OTOF: variants seen among roughly 807,000 people sequenced by gnomAD.
The protein encoded by OTOF is fer-1-like family member 2.
OTOF carries 218 observed loss-of-function variants against 236.8 expected under a neutral mutation model. That is an observed-to-expected ratio of 0.92 (90% confidence interval 0.82 to 1.03). The LOEUF is 1.03. Ranked by LOEUF, OTOF falls within the 50% of genes least tolerant of loss-of-function variation. The pLI is 0.00. For missense variants in OTOF, 2,590 were observed against 2,694.4 expected (o/e 0.96, Z 0.86); for synonymous variants, 1,041 against 1,072.5 (o/e 0.97, Z 0.57).
At chr2:26,549,368 T>C (rs1667406037) in intron 1 of OTOF, among the ~76,000 whole-genome samples, 1 of 152,224 alleles carries the variant, frequency 6.6e-6, no homozygotes, top group Non-Finnish European at 1.5e-5. Flanking sequence ...GTTGATGGCA[T>C]GGTAGAAGAA....
chr2:26,528,798 A>C (rs1196715441), intron 2 of OTOF, among the ~76,000 whole-genome samples: 1 of 152,190 alleles, frequency 6.6e-6, no homozygotes, highest in Non-Finnish European at 1.5e-5. Flanking sequence ...TGGGCAAGGG[A>C]AAGGTGGGAA....
chr2:26,478,167 G>C, intron 18 of OTOF: 1 of 600,852 alleles, frequency 1.7e-6, no homozygotes, highest in Non-Finnish European at 2.4e-6. Context: ...TGGGGGAAGA[G>C]GGAGTGGCTC....
intron 9 of OTOF, among the ~76,000 whole-genome samples, chr2:26,494,307 T>G (rs1230575150): frequency 2.0e-5 from 3 of 152,226 alleles, no homozygotes; most frequent in Non-Finnish European, 2.9e-5. Flanking sequence ...TGTTTTCTCT[T>G]TCACACCCTA....
intron 1 of OTOF, among the ~76,000 whole-genome samples, chr2:26,544,214 A>G (rs1667276309): frequency 6.6e-6 from 1 of 152,234 alleles, no homozygotes; most frequent in African/African-American, 2.4e-5. Context: ...GGTGAAACTT[A>G]CATTCATGGA....
At chr2:26,475,588 C>G (rs1665218273) in intron 24 of OTOF, 95 bp from the exon 25 acceptor site, 5 of 1,383,036 alleles carry the variant, frequency 3.6e-6, no homozygotes, top group Non-Finnish European at 5.1e-6. Context: ...TTCCACGGAA[C>G]CTGGGGGCAG....
rs483353049 is a variant in OTOF, at chr2:26,494,941, C to A, written c.897+1G>T. ...GCTCCTTTCCCCACAGGGCCACTGACCTCGTTGTAATAGGGGCAGTTAGTG... is the reference window on the plus strand; with the variant it reads ...GCTCCTTTCCCCACAGGGCCACTGAACTCGTTGTAATAGGGGCAGTTAGTG... On this transcript the variant is annotated splice_donor_variant, in intron 9 of 46. Transcript: ENST00000272371. LOFTEE classifies it high-confidence loss of function. 2 of 1,614,176 alleles carry A rather than the reference C, an allele frequency of 1.2e-6. No homozygotes were observed. The highest frequency in any genetic ancestry group is 8.5e-7 in the Non-Finnish European group (1 of 1,180,024).
chr2:26,502,002 G>C (rs1191591445), intron 7 of OTOF, among the ~76,000 whole-genome samples, 194 bp from the exon 8 acceptor site: 1 of 152,178 alleles, frequency 6.6e-6, no homozygotes, highest in African/African-American at 2.4e-5. Context: ...AAAGGCAGAA[G>C]TAACAGAGAG....
In OTOF at chr2:26,480,889, G is replaced by T. The variant is rs745520384; in HGVS notation, c.1700C>A (p.Ala567Asp). Residue 567 changes from alanine (A) to aspartate (D), a missense_variant, in exon 15 of 47, where the codon GCC becomes GAC. Transcript: ENST00000272371. The part of the protein sequence containing the change: ...EGLGEGVSFR[A>D]RLLLGLAVEI... The stretch of plus-strand genomic sequence containing the variant: ...CACAGCCAGGCCCAGCAGGAGCCGG[G>T]CCCGGAAGGACACACCCTCCCCCAG... The T allele has an allele frequency of 4.3e-6, 7 of 1,612,976 alleles. No individual in the cohort carries two copies. The Admixed American group carries it at 1.2e-4, about 27-fold the overall frequency.
Position 26,461,707 on chromosome 2 carries a change from T to A in OTOF, c.5522A>T (p.Asp1841Val). The change falls in exon 43 of 47, where the codon GAC (aspartate) becomes GTC (valine). Residue 1841 changes from aspartate (D) to valine (V), a missense_variant. Asp to Val is a radical substitution (Grantham distance 152, BLOSUM62 -3). Coordinates refer to ENST00000272371, the MANE Select transcript of OTOF (RefSeq NM_194248.3). This position sits in a 1 kb window ranked among gnomAD's most constrained non-coding sequence, Gnocchi z 6.2. ...GCCCTGCTCTGCACCCAGGAAGTCG[T>A]CAGCGGAGAAGTGGTCCGCATCCCA... ...QIWDADHFSA[D>V]DFLGAIELDL... is the part of the protein sequence containing the mutation. 6.2e-7 allele frequency: 1 copy of A among 1,614,058 alleles called. No individual in the cohort carries two copies. The highest frequency in any genetic ancestry group is 2.2e-5 in the East Asian group (1 of 44,874).
At chr2:26,468,252 C>A (rs1203131205) in intron 33 of OTOF, among the ~76,000 whole-genome samples, 156 bp downstream of exon 33, 1 of 152,184 alleles carries the variant, frequency 6.6e-6, no homozygotes, top group Non-Finnish European at 1.5e-5. Context: ...CTTAGCCTGC[C>A]CAGTACTGCC....
Position 26,463,463 on chromosome 2 carries a change from C to CT in OTOF, c.5192+19dup, listed in dbSNP as rs1237232060. ...TGGGGTGGGCCGGAAGGGAGTAGCG[C>CT]TGGGCCCCAGGCCGCTCACTTCTTG... On this transcript the variant is annotated intron_variant, in intron 41 of 46. Coordinates refer to ENST00000272371, the MANE Select transcript of OTOF (RefSeq NM_194248.3). 1.2e-5 allele frequency: 19 copies of CT among 1,573,230 alleles called. No homozygotes were observed. Among genetic ancestry groups the CT allele is most frequent in the Non-Finnish European group, 1.6e-5 (19 of 1,155,820 alleles).
intron 5 of OTOF, among the ~76,000 whole-genome samples, chr2:26,507,037 C>T (rs968555432): frequency 6.6e-6 from 1 of 152,220 alleles, no homozygotes; most frequent in Non-Finnish European, 1.5e-5. Flanking sequence ...ATCTCTACTA[C>T]ACCTTGAAGC....
At chr2:26,479,198 A>G (rs1322336724) in intron 18 of OTOF, 66 bp downstream of exon 18, 4 of 1,589,500 alleles carry the variant, frequency 2.5e-6, no homozygotes, top group Non-Finnish European at 3.4e-6. Context: ...TGTTCCAGGG[A>G]AGGCCCTCTG....
chr2:26,479,714 C>T, intron 16 of OTOF, 61 bp from the exon 17 acceptor site: 2 of 1,537,746 alleles, frequency 1.3e-6, no homozygotes, highest in Admixed American at 1.7e-5. Context: ...CTCCCACCGT[C>T]CAATCCGGTG....
intron 3 of OTOF, among the ~76,000 whole-genome samples, chr2:26,524,965 T>C (rs1666765734): frequency 6.6e-6 from 1 of 152,076 alleles, no homozygotes; most frequent in South Asian, 2.1e-4. Context: ...TGACTTCCGA[T>C]TCTCCTTCCT....
intron 1 of OTOF, among the ~76,000 whole-genome samples, chr2:26,551,003 C>G (rs574586998): frequency 6.6e-6 from 1 of 152,080 alleles, no homozygotes; most frequent in Admixed American, 6.5e-5. Context: ...TTTTTTCCCC[C>G]CCTTGAGACA....
intron 6 of OTOF, among the ~76,000 whole-genome samples, chr2:26,503,413 C>A (rs997062674): frequency 6.6e-5 from 10 of 152,266 alleles, no homozygotes; most frequent in Non-Finnish European, 1.5e-4. Flanking sequence ...TGCCGCCGAC[C>A]CCGTACTAGT....
In OTOF at chr2:26,461,893, T is replaced by C. The variant is rs1378629902; in HGVS notation, c.5336A>G (p.His1779Arg). ...GCCCTCGCCAGTGAGGGAGTGGTAG[T>C]GGACGTCTGTGTCCTGCTTGTCCTC... ...QQEDKQDTDV[H>R]YHSLTGEGNF... is the part of the protein sequence containing the mutation. Residue 1779 changes from histidine (H) to arginine (R), a missense_variant, in exon 43 of 47, where the codon CAC becomes CGC. His to Arg is a conservative substitution (Grantham distance 29). Transcript: ENST00000272371. The surrounding 1 kb of genome is among the most constrained non-coding windows in gnomAD (Gnocchi z 6.2). The C allele has an allele frequency of 4.3e-6, 7 of 1,614,144 alleles. No homozygotes were observed. The highest frequency in any genetic ancestry group is 5.9e-6 in the Non-Finnish European group (7 of 1,180,034).
chr2:26,551,436 T>A (rs1667460625), intron 1 of OTOF, among the ~76,000 whole-genome samples: 1 of 152,226 alleles, frequency 6.6e-6, no homozygotes. Context: ...TCCCTTCCCA[T>A]CTGCCCTTCC....
Sources: allele counts gnomAD v4.1 joint callset (sites outside exome capture counted in the v4.1 genomes callset), GRCh38; gene constraint gnomAD v4.1.1; non-coding constraint Gnocchi (gnomAD v3.1); transcripts MANE v1.5; gene names NCBI Gene and HGNC (gene_info 2026-07-23, HGNC 2026-07-21).